NT5M: variants seen among roughly 807,000 people sequenced by gnomAD.
NT5M encodes the protein 5',3'-nucleotidase, mitochondrial.
In NT5M, 22 loss-of-function variants were observed where a neutral mutation model predicts 22.2. The observed-to-expected ratio is 0.99, with a 90% confidence interval of 0.71 to 1.41. The LOEUF is 1.41. Among genes scored for constraint, NT5M ranks in the 40% most tolerant of loss-of-function variants. NT5M has a pLI of 0.00. For synonymous variants in NT5M, 167 were observed against 133.0 expected, an observed-to-expected ratio of 1.26 and a Z score of -1.76; for missense variants, 322 against 314.8, an observed-to-expected ratio of 1.02 and a Z score of -0.17.
At chr17:17,306,100 C>A (rs1482145836) in intron 1 of NT5M, among the ~76,000 whole-genome samples, 2 of 152,088 alleles carry the variant, frequency 1.3e-5, no homozygotes, top group African/African-American at 2.4e-5. Flanking sequence ...TACCCTGTCT[C>A]CCCCTCCCCC....
rs538679183 is a variant in NT5M, at chr17:17,319,136, C to A, written c.369-4049C>A. On this transcript the variant is annotated intron_variant, in intron 2 of 4. Transcript: ENST00000389022. ...GGCTGAGGTAGAAGAATTGCTTGAA[C>A]CTGTGAGGCAGAGGTTGCAGTGAGC... Among the ~76,000 whole-genome samples, 477 of 151,660 alleles carry A rather than the reference C, an allele frequency of 3.1e-3. 2 individuals carry two copies. Among genetic ancestry groups the A allele is most frequent in the Non-Finnish European group, 5.7e-3 (384 of 67,922 alleles).
At chr17:17,312,795 C>T (rs2048947840) in intron 2 of NT5M, among the ~76,000 whole-genome samples, 1 of 151,256 alleles carries the variant, frequency 6.6e-6, no homozygotes, top group African/African-American at 2.4e-5. Context: ...CCTGTCTCTA[C>T]TAAAAAAAAA....
At chr17:17,324,353 T>A (rs2049220133) in intron 3 of NT5M, among the ~76,000 whole-genome samples, 1 of 151,540 alleles carries the variant, frequency 6.6e-6, no homozygotes. Context: ...GTGTAGTGGT[T>A]CATGCCTGTA....
intron 3 of NT5M, among the ~76,000 whole-genome samples, chr17:17,328,469 T>C (rs1189768178): frequency 6.6e-6 from 1 of 152,140 alleles, no homozygotes; most frequent in African/African-American, 2.4e-5. Flanking sequence ...CCCAACCCTA[T>C]GGACTGGTAC....
At chr17:17,306,222 C>G (rs1220940938) in intron 1 of NT5M, among the ~76,000 whole-genome samples, 1 of 152,114 alleles carries the variant, frequency 6.6e-6, no homozygotes, top group African/African-American at 2.4e-5. Flanking sequence ...TGCTTTTGGC[C>G]ACTCGAATCC....
At chr17:17,311,756 A>T (rs2048926936) in intron 2 of NT5M, among the ~76,000 whole-genome samples, 1 of 152,208 alleles carries the variant, frequency 6.6e-6, no homozygotes, top group South Asian at 2.1e-4. Context: ...CGTAGACCTT[A>T]TTTGGTAGTA....
chr17:17,309,292 A>C (rs2048875577), intron 2 of NT5M, among the ~76,000 whole-genome samples: 1 of 151,870 alleles, frequency 6.6e-6, no homozygotes, highest in African/African-American at 2.4e-5. Flanking sequence ...CACCCAGCTA[A>C]TTTTTCATTT....
At position 17,323,128 on chromosome 17, in the gene NT5M, C is replaced by T; in HGVS notation, c.369-57C>T. On this transcript the variant is annotated intron_variant, in intron 2 of 4. Coordinates refer to ENST00000389022, the MANE Select transcript of NT5M (RefSeq NM_020201.4). ...GTGAAGGCAGGGCAGGTGGTGAAGGCCTCGGGGTGGTGAAGTCATGGGGCT... is the reference window on the plus strand; with the variant it reads ...GTGAAGGCAGGGCAGGTGGTGAAGGTCTCGGGGTGGTGAAGTCATGGGGCT... The T allele has an allele frequency of 2.1e-6, 3 of 1,440,290 alleles. No homozygotes were observed. In the Admixed American group the frequency reaches 5.0e-5, roughly 24 times the overall value. 89.2% of individuals were successfully genotyped at this position (1,440,290 alleles called of 1,614,324 possible).
At chr17:17,329,018 C>T (rs957082606) in intron 3 of NT5M, among the ~76,000 whole-genome samples, 2 of 152,166 alleles carry the variant, frequency 1.3e-5, no homozygotes, top group Non-Finnish European at 2.9e-5. Context: ...CGCTCTGTCT[C>T]CCAGGCTGGA....
chr17:17,329,420 C>T (rs573615077), intron 3 of NT5M, among the ~76,000 whole-genome samples: 49 of 152,318 alleles, frequency 3.2e-4, no homozygotes, highest in African/African-American at 1.1e-3. Context: ...TGCCTCTTCT[C>T]GGACTCCTTG....
In NT5M at chr17:17,346,672, G is replaced by A. The variant is rs577404941; in HGVS notation, c.545-133G>A. 1.7e-5 allele frequency: 18 copies of A among 1,035,120 alleles called. No homozygotes were observed. The East Asian group carries it at 2.3e-4, about 13-fold the overall frequency. The allele number at this position is 1,035,120 out of a possible 1,614,324, so 64.1% of individuals were successfully genotyped here. A position where few individuals can be genotyped will look rare whatever the true frequency, so the allele number is the denominator to read the frequency against. On this transcript the variant is annotated intron_variant, in intron 4 of 4. Coordinates refer to ENST00000389022, the MANE Select transcript of NT5M (RefSeq NM_020201.4). ...ACACCCGCTGCGAAGGCGGGTGTGC[G>A]TGCAGTCACCCCTTTACAGAGGAAA...
intron 3 of NT5M, among the ~76,000 whole-genome samples, chr17:17,343,180 C>A (rs1446368966): frequency 6.6e-6 from 1 of 152,094 alleles, no homozygotes; most frequent in Non-Finnish European, 1.5e-5. Context: ...TCAGGGAAGG[C>A]TTAGGAGGTG....
intron 3 of NT5M, among the ~76,000 whole-genome samples, chr17:17,339,252 G>A (rs1307976241): frequency 1.3e-5 from 2 of 151,046 alleles, no homozygotes; most frequent in Non-Finnish European, 3.0e-5. Flanking sequence ...ATTTTAAATG[G>A]GATTCCTTTC....
intron 2 of NT5M, among the ~76,000 whole-genome samples, chr17:17,308,436 AC>A (rs1788246464): frequency 1.3e-5 from 2 of 151,886 alleles, no homozygotes; most frequent in Admixed American, 1.3e-4. Context: ...TACTAAAAAT[AC>A]AAAAATTAGC....
At chr17:17,307,841 G>A (rs1360473998) in intron 2 of NT5M, among the ~76,000 whole-genome samples, 3 of 151,954 alleles carry the variant, frequency 2.0e-5, no homozygotes, top group Non-Finnish European at 2.9e-5. Context: ...CTAGGCGACA[G>A]AGCGAGATTC....
At chr17:17,344,938 GTGGGGAGGGCCCCAGCCT>G in intron 4 of NT5M, 30 bp downstream of exon 4, 1 of 1,613,548 alleles carries the variant, frequency 6.2e-7, no homozygotes, top group Non-Finnish European at 8.5e-7. Context: ...TGAGGAGCAC[GTGGGGAGGGCCCCAGCCT>G]TGGCCCCCTT....
intron 2 of NT5M, among the ~76,000 whole-genome samples, chr17:17,318,889 G>T (rs1350718995): frequency 6.6e-6 from 1 of 150,916 alleles, no homozygotes; most frequent in African/African-American, 2.4e-5. Flanking sequence ...AGACACAGAA[G>T]GCCACGTATT....
At chr17:17,323,039 T>G in intron 2 of NT5M, 146 bp from the exon 3 acceptor site, 2 of 745,346 alleles carry the variant, frequency 2.7e-6, no homozygotes, top group Non-Finnish European at 4.9e-6. Context: ...CTGGTGTGGA[T>G]ATAGTACAGG....
chr17:17,319,874 C>A (rs539330583), intron 2 of NT5M, among the ~76,000 whole-genome samples: 1 of 152,328 alleles, frequency 6.6e-6, no homozygotes, highest in African/African-American at 2.4e-5. Flanking sequence ...GACGGAGTCT[C>A]GCTCTGTCGT....
Sources: gnomAD v4.1 joint callset for allele counts (sites outside exome capture counted in the v4.1 genomes callset) on GRCh38, gnomAD v4.1.1 for gene constraint, MANE v1.5 for transcripts, NCBI Gene and HGNC (gene_info 2026-07-23, HGNC 2026-07-21) for gene names.